Variants in WASHC2C observed in about 807,000 individuals in gnomAD.
WASHC2C encodes WASH complex subunit 2C, also known as Vaccinia Penetration Factor.
WASHC2C carries 73 observed loss-of-function variants against 142.2 expected under a neutral mutation model. The ratio of observed to expected loss-of-function variants is 0.51; its 90% CI spans 0.43 to 0.62. The LOEUF is 0.62. Ranked by LOEUF, WASHC2C falls within the 20% of genes least tolerant of loss-of-function variation. The pLI is 0.00. For missense variants in WASHC2C, 969 were observed against 1,531.7 expected, an observed-to-expected ratio of 0.63 and a Z score of 6.13; for synonymous variants, 337 against 565.5, an observed-to-expected ratio of 0.60 and a Z score of 5.73.
rs2122421 is a variant in WASHC2C, at chr10:45,754,974, C to T, written c.1279C>T (p.Leu427=). Residue 427 remains leucine (L), a synonymous_variant, in exon 15 of 31, where the codon CTG becomes TTG. Coordinates refer to ENST00000623400, the MANE Select transcript of WASHC2C (RefSeq NM_001330074.2). ...GTTTGGTGCTGCCTCCGTTCCATCA[C>T]TGAAGGAGCCACAGAAGCCTGAGCA... The part of the protein sequence containing the change: ...DVFGAASVPS[L]KEPQKPEQPT... The T allele has an allele frequency of 5.6e-6, 9 of 1,611,830 alleles. No homozygotes were observed. The highest frequency in any genetic ancestry group is 2.7e-5 in the African/African-American group (2 of 74,822).
chr10:45,763,233 C>G (rs2055362697), intron 17 of WASHC2C, among the ~76,000 whole-genome samples, 155 bp from the exon 18 acceptor site: 1 of 151,956 alleles, frequency 6.6e-6, no homozygotes, highest in Admixed American at 6.6e-5. Context: ...TGAGGCCTAT[C>G]CCTTTAAGGA....
intron 18 of WASHC2C, among the ~76,000 whole-genome samples, chr10:45,764,793 T>A (rs2260915): frequency 1.8e-4 from 27 of 152,390 alleles, no homozygotes; most frequent in Non-Finnish European, 2.4e-4. Context: ...TGTGAAGCTC[T>A]TGCAGAGTGC....
chr10:45,768,226 C>T (rs1267974185), intron 19 of WASHC2C, among the ~76,000 whole-genome samples: 1 of 132,480 alleles, frequency 7.5e-6, no homozygotes, highest in Non-Finnish European at 1.6e-5. Context: ...GACTCTGTCT[C>T]GAAAAAGGAA....
At chr10:45,729,063 G>T (rs782727664) in intron 3 of WASHC2C, 37 bp downstream of exon 3, 9 of 1,568,752 alleles carry the variant, frequency 5.7e-6, no homozygotes, top group Non-Finnish European at 7.8e-6. Context: ...CCTTTTTTGG[G>T]AGTAGGAGAT....
intron 17 of WASHC2C, among the ~76,000 whole-genome samples, chr10:45,761,334 G>C (rs1344532292): frequency 1.3e-5 from 2 of 152,186 alleles, no homozygotes; most frequent in African/African-American, 2.4e-5. Context: ...CGCCTTCTGT[G>C]TTCCAGCCTT....
chr10:45,731,978 A>G (rs1305784919), intron 3 of WASHC2C, among the ~76,000 whole-genome samples: 1 of 151,690 alleles, frequency 6.6e-6, no homozygotes, highest in African/African-American at 2.4e-5. Flanking sequence ...TTGCATTTTT[A>G]GTAGAGATGG....
At position 45,785,618 on chromosome 10, in the gene WASHC2C, C is replaced by T. The variant is rs782004188; in HGVS notation, c.2798C>T (p.Pro933Leu). The change falls in exon 26 of 31, where the codon CCG becomes CTG. Residue 933 changes from proline (P) to leucine (L), a missense_variant. By Grantham distance (98) the Pro-to-Leu change is moderately conservative (BLOSUM62 -3). Transcript: ENST00000623400. ...QGSKEKGIWK[P>L]ETPQDSSGLA... ...AGTAAAGAAAAAGGCATATGGAAGCCGGAAACACCTCAGGTTAGAAATCCT... is the reference window on the plus strand; with the variant it reads ...AGTAAAGAAAAAGGCATATGGAAGCTGGAAACACCTCAGGTTAGAAATCCT... 1.2e-5 allele frequency: 20 copies of T among 1,613,572 alleles called. No individual in the cohort carries two copies. In the East Asian group the frequency reaches 1.6e-4, roughly 13 times the overall value.
intron 23 of WASHC2C, among the ~76,000 whole-genome samples, chr10:45,784,252 G>GTCTATA: frequency 2.5e-5 from 1 of 40,720 alleles, no homozygotes. Flanking sequence ...GTGTGTGTGT[G>GTCTATA]TATATATATA....
intron 25 of WASHC2C, among the ~76,000 whole-genome samples, 185 bp downstream of exon 25, chr10:45,785,086 C>T (rs1554889514): frequency 6.6e-6 from 1 of 152,224 alleles, no homozygotes; most frequent in Non-Finnish European, 1.5e-5. Context: ...TGTTGTTCCT[C>T]ATCTTATGTT....
intron 10 of WASHC2C, among the ~76,000 whole-genome samples, chr10:45,751,271 T>C (rs2879157): frequency 2.0e-5 from 3 of 150,664 alleles, no homozygotes; most frequent in East Asian, 2.0e-4. Flanking sequence ...ATGAGCCTGG[T>C]ACGAAAGCAG....
rs1589849254 is a variant in WASHC2C at position 45,770,705 on chromosome 10, G to T, written c.2039+1087G>T. 2.0e-5 allele frequency among the ~76,000 whole-genome samples: 3 copies of T among 152,078 alleles called. No individual in the cohort carries two copies. In the South Asian group the frequency reaches 6.2e-4, roughly 32 times the overall value. ...ATTAGGCCTCTGTAACTTGACACTC[G>T]GATGCATCTTTGGTCTCTGATTTAG... On this transcript the variant is annotated intron_variant, in intron 20 of 30. Transcript: ENST00000623400.
intron 17 of WASHC2C, among the ~76,000 whole-genome samples, chr10:45,762,596 A>G (rs1207709079): frequency 1.3e-5 from 2 of 152,236 alleles, no homozygotes; most frequent in Non-Finnish European, 2.9e-5. Flanking sequence ...ATAAAGTTTA[A>G]TTTGTATTTA....
rs1554869326 is a variant in WASHC2C at position 45,743,388 on chromosome 10, A to G, written c.529-2A>G. ...ACAGCCTATTCCTTTCATCATGTACAGGATCTATACATTGATCGTCCTTTA... is the reference window on the plus strand; with the variant it reads ...ACAGCCTATTCCTTTCATCATGTACGGGATCTATACATTGATCGTCCTTTA... On this transcript the variant is annotated splice_acceptor_variant, in intron 5 of 30. Transcript: ENST00000623400. LOFTEE classifies it high-confidence loss of function. The G allele has an allele frequency of 6.2e-7, 1 of 1,611,858 alleles. No homozygotes were observed. Among genetic ancestry groups the G allele is most frequent in the African/African-American group, 1.3e-5 (1 of 74,838 alleles).
chr10:45,786,582 G>A, intron 26 of WASHC2C, 30 bp from the exon 27 acceptor site: 2 of 1,610,754 alleles, frequency 1.2e-6, no homozygotes, highest in Non-Finnish European at 8.5e-7. Context: ...TTTCCCAAAT[G>A]GATTTTTAAC....
intron 6 of WASHC2C, among the ~76,000 whole-genome samples, chr10:45,744,047 CTT>C (rs1554869867): frequency 6.7e-6 from 1 of 148,866 alleles, no homozygotes; most frequent in Non-Finnish European, 1.5e-5. Context: ...GTGCCCGGCT[CTT>C]TTTCTTTCTT....
intron 21 of WASHC2C, among the ~76,000 whole-genome samples, chr10:45,775,680 ATTTTT>A (rs569006368): frequency 7.5e-6 from 1 of 132,988 alleles, no homozygotes; most frequent in Non-Finnish European, 1.6e-5. Context: ...TTTGCATTGA[ATTTTT>A]TTTTTTTTTT....
At position 45,792,786 on chromosome 10, in the gene WASHC2C, TG is replaced by T. The variant is rs1442708398; in HGVS notation, c.*389del. The T allele has an allele frequency of 2.0e-6, 1 of 493,922 alleles. No homozygotes were observed. The highest frequency in any genetic ancestry group is 4.1e-6 in the Non-Finnish European group (1 of 243,910). The allele number at this position is 493,922 out of a possible 1,614,324, so 30.6% of individuals were successfully genotyped here. On this transcript the variant is annotated 3_prime_UTR_variant, in exon 31 of 31. Coordinates refer to ENST00000623400, the MANE Select transcript of WASHC2C (RefSeq NM_001330074.2). ...TGGATGGGAACCCTAACTTAGGGCTTGGGCAGGGGAAAGAGAAAGAAGATGA... is the reference window on the plus strand; with the variant it reads ...TGGATGGGAACCCTAACTTAGGGCTTGGCAGGGGAAAGAGAAAGAAGATGA...
rs1195064931 is a variant in WASHC2C, at chr10:45,792,199, T to C, written c.3887-62T>C. ...GGGTCTTTGGTGGTTTGCTTGCATGTGTCTTAAAAGTACCTTTCTCCACCC... is the reference window on the plus strand; with the variant it reads ...GGGTCTTTGGTGGTTTGCTTGCATGCGTCTTAAAAGTACCTTTCTCCACCC... On this transcript the variant is annotated intron_variant, in intron 30 of 30. Coordinates refer to ENST00000623400, the MANE Select transcript of WASHC2C (RefSeq NM_001330074.2). 7.1e-6 allele frequency: 11 copies of C among 1,550,908 alleles called. 2 individuals carry two copies. The highest frequency in any genetic ancestry group is 2.8e-5 in the African/African-American group (2 of 72,270).
In WASHC2C at chr10:45,727,340, G is replaced by A. The variant is rs1473301923; in HGVS notation, c.3+20G>A. 6 of 1,591,956 alleles carry A rather than the reference G, an allele frequency of 3.8e-6. No homozygotes were observed. In the East Asian group the frequency reaches 9.1e-5, roughly 24 times the overall value. On this transcript the variant is annotated intron_variant, in intron 1 of 30. Transcript: ENST00000623400. ...GGGATGGTGAGGGCGGCGGGCCGGA[G>A]AGGGGCCGGCCTGGGCTGGGGCCGC...
Sources: gnomAD v4.1 joint callset for allele counts (sites outside exome capture counted in the v4.1 genomes callset) on GRCh38, gnomAD v4.1.1 for gene constraint, MANE v1.5 for transcripts, NCBI Gene and HGNC (gene_info 2026-07-23, HGNC 2026-07-21) for gene names.